The following DSCAM variants were observed in gnomAD, a reference collection of about 807,000 sequenced individuals.
DSCAM encodes cell adhesion molecule DSCAM.
DSCAM carries 47 observed loss-of-function variants against 217.7 expected under a neutral mutation model. The observed-to-expected ratio is 0.22, with a 90% CI of 0.17 to 0.28. DSCAM has a LOEUF of 0.28. Among genes scored for constraint, DSCAM ranks in the 10% least tolerant of loss-of-function variants. The pLI is 1.00. For synonymous variants in DSCAM, 1,056 were observed against 1,015.3 expected, an observed-to-expected ratio of 1.04 and a Z score of -0.76; for missense variants, 2,080 against 2,618.3, an observed-to-expected ratio of 0.79 and a Z score of 4.49.
At chr21:40,744,177 G>T (rs1055378413) in intron 1 of DSCAM, among the ~76,000 whole-genome samples, 1 of 152,138 alleles carries the variant, frequency 6.6e-6, no homozygotes, top group Non-Finnish European at 1.5e-5. Context: ...AATCTTCATG[G>T]GAAGCCCACT....
rs971740179 is a variant in DSCAM at position 40,012,887 on chromosome 21, C to T, written c.*147G>A. ...AAAAGCAGGAGAGTCTTTGCACTGT[C>T]TGTGGTTTCAGTATTTTCTCTTTTT... On this transcript the variant is annotated 3_prime_UTR_variant, in exon 33 of 33. Transcript: ENST00000400454. 1.7e-6 allele frequency: 1 copy of T among 586,698 alleles called. No homozygotes were observed. Among genetic ancestry groups the T allele is most frequent in the African/African-American group, 2.0e-5 (1 of 50,588 alleles). 36.3% of individuals were successfully genotyped at this position (586,698 alleles called of 1,614,324 possible).
chr21:40,671,002 T>C (rs1017010490), intron 3 of DSCAM, among the ~76,000 whole-genome samples: 4 of 152,164 alleles, frequency 2.6e-5, no homozygotes, highest in Non-Finnish European at 5.9e-5. Flanking sequence ...AAATGCATCC[T>C]GAGGTAAAGG....
In DSCAM at chr21:40,017,132, C is replaced by G. The variant is rs549170500; in HGVS notation, c.5687-3746G>C. ...AAAAAAAAAAAAAAGTATAAGAGAA[C>G]TAAAAATAAATATGGCCAAATCAAG... On this transcript the variant is annotated intron_variant, in intron 32 of 32. Transcript: ENST00000400454. Among the ~76,000 whole-genome samples the G allele has an allele frequency of 8.0e-5, 12 of 150,108 alleles. No individual in the cohort carries two copies. In the South Asian group the frequency reaches 2.3e-3, roughly 29 times the overall value.
intron 3 of DSCAM, among the ~76,000 whole-genome samples, chr21:40,603,752 T>A (rs995234605): frequency 5.9e-5 from 9 of 152,104 alleles, no homozygotes; most frequent in Admixed American, 2.6e-4. Flanking sequence ...ATACTGTACA[T>A]TTCACTCCAC....
chr21:40,468,754 G>C (rs1280165706), intron 3 of DSCAM, among the ~76,000 whole-genome samples: 1 of 152,046 alleles, frequency 6.6e-6, no homozygotes, highest in Non-Finnish European at 1.5e-5. Context: ...GATATTTTCT[G>C]AAAGTTAGTA....
intron 27 of DSCAM, among the ~76,000 whole-genome samples, chr21:40,066,041 C>T (rs1473265040): frequency 2.0e-5 from 3 of 152,242 alleles, no homozygotes; most frequent in Admixed American, 1.3e-4. Context: ...ATCGTCCCCA[C>T]CGCCCCATGC....
intron 24 of DSCAM, among the ~76,000 whole-genome samples, chr21:40,081,910 G>A (rs1414330190): frequency 1.3e-5 from 2 of 152,088 alleles, no homozygotes; most frequent in African/African-American, 4.8e-5. Flanking sequence ...CACCCTTCTT[G>A]TTCTACCTCT....
At position 40,182,512 on chromosome 21, in the gene DSCAM, C is replaced by T. The variant is rs536215395; in HGVS notation, c.2780-3418G>A. Among the ~76,000 whole-genome samples the T allele has an allele frequency of 1.3e-3, 192 of 150,976 alleles. 1 individual carries two copies. Among genetic ancestry groups the T allele is most frequent in the East Asian group, 6.0e-4 (3 of 5,040 alleles). Reference sequence around the variant, plus strand: ...GAAACTGTGGACAGGACGGAGGCACCGGAGAAACTGTGGACAGCAGAGGCC... The same window carrying T: ...GAAACTGTGGACAGGACGGAGGCACTGGAGAAACTGTGGACAGCAGAGGCC... On this transcript the variant is annotated intron_variant, in intron 14 of 32. Coordinates refer to ENST00000400454, the MANE Select transcript of DSCAM (RefSeq NM_001389.5).
At chr21:40,266,210 A>G (rs1053462567) in intron 11 of DSCAM, among the ~76,000 whole-genome samples, 6 of 146,716 alleles carry the variant, frequency 4.1e-5, no homozygotes, top group African/African-American at 1.6e-4. Flanking sequence ...GATATTTCTC[A>G]AAAGAAGATA....
intron 3 of DSCAM, among the ~76,000 whole-genome samples, chr21:40,492,219 T>A (rs1403582310): frequency 2.0e-5 from 3 of 152,190 alleles, no homozygotes; most frequent in African/African-American, 7.2e-5. Flanking sequence ...GTATAGATTA[T>A]AGATAATGAG....
At chr21:40,051,715 A>G (rs571237035) in intron 30 of DSCAM, among the ~76,000 whole-genome samples, 1 of 152,166 alleles carries the variant, frequency 6.6e-6, no homozygotes, top group Non-Finnish European at 1.5e-5. Flanking sequence ...AAAAATAAAT[A>G]CATGTACCTG....
At chr21:40,615,690 G>A (rs566194712) in intron 3 of DSCAM, among the ~76,000 whole-genome samples, 2 of 152,252 alleles carry the variant, frequency 1.3e-5, no homozygotes, top group South Asian at 2.1e-4. Flanking sequence ...AGCTAAGCTG[G>A]ATGTATTAAG....
intron 1 of DSCAM, among the ~76,000 whole-genome samples, chr21:40,788,389 T>A (rs775543023): frequency 7.9e-5 from 12 of 152,182 alleles, no homozygotes; most frequent in Non-Finnish European, 1.6e-4. Flanking sequence ...AAGTGTAACT[T>A]TTTTTTAATG....
chr21:40,045,182 A>G (rs968602662), intron 30 of DSCAM, among the ~76,000 whole-genome samples: 2 of 152,220 alleles, frequency 1.3e-5, no homozygotes, highest in African/African-American at 4.8e-5. Context: ...AGCTCTAGGA[A>G]ATTAATACAG....
intron 1 of DSCAM, among the ~76,000 whole-genome samples, chr21:40,767,781 T>C (rs1335698064): frequency 6.6e-6 from 1 of 152,152 alleles, no homozygotes; most frequent in African/African-American, 2.4e-5. Context: ...CTACGGATGG[T>C]GCCACCTGTG....
chr21:40,110,049 T>G (rs1447030814), intron 20 of DSCAM, among the ~76,000 whole-genome samples: 1 of 152,190 alleles, frequency 6.6e-6, no homozygotes, highest in Non-Finnish European at 1.5e-5. Context: ...TGTCACTGTC[T>G]GACAGCTTTG....
At chr21:40,170,850 C>T (rs2090649193) in intron 15 of DSCAM, among the ~76,000 whole-genome samples, 1 of 152,180 alleles carries the variant, frequency 6.6e-6, no homozygotes, top group South Asian at 2.1e-4. Flanking sequence ...GGAGCACTGT[C>T]TCATCCTGAA....
intron 3 of DSCAM, among the ~76,000 whole-genome samples, chr21:40,578,273 A>G (rs1191078471): frequency 6.6e-6 from 1 of 152,142 alleles, no homozygotes; most frequent in African/African-American, 2.4e-5. Context: ...TGTTCACTGT[A>G]GCAATAGGAG....
intron 3 of DSCAM, among the ~76,000 whole-genome samples, chr21:40,530,804 T>C (rs62225548): frequency 0.29 from 43,880 of 151,594 alleles, 8,219 homozygotes; most frequent in African/African-American, 0.52. Flanking sequence ...CTCCCTGTTT[T>C]CTTCACTCTG....
Sources: gnomAD v4.1 joint callset for allele counts (sites outside exome capture counted in the v4.1 genomes callset) on GRCh38, gnomAD v4.1.1 for gene constraint, MANE v1.5 for transcripts, NCBI Gene and HGNC (gene_info 2026-07-23, HGNC 2026-07-21) for gene names.